The following PDE1A variants were observed in gnomAD, a reference collection of about 807,000 sequenced individuals.
PDE1A encodes the protein phosphodiesterase 1A.
Under a neutral mutation model 61.7 loss-of-function variants are expected in PDE1A, and 35 were observed. That is an observed-to-expected ratio of 0.57 (90% CI 0.43 to 0.75). The LOEUF is 0.75. Ranked by LOEUF, PDE1A falls within the 30% of genes least tolerant of loss-of-function variation. PDE1A has a pLI of 0.00. For synonymous variants in PDE1A, 232 were observed against 213.2 expected (o/e 1.09, Z -0.77); for missense variants, 597 against 630.6 (o/e 0.95, Z 0.57).
intron 1 of PDE1A, among the ~76,000 whole-genome samples, chr2:182,320,797 A>G (rs1391157907): frequency 6.6e-6 from 1 of 152,218 alleles, no homozygotes; most frequent in Non-Finnish European, 1.5e-5. Context: ...TTGATGGTTT[A>G]TAATAGCAAA....
the PDE1A span, among the ~76,000 whole-genome samples, chr2:182,633,157 A>T: frequency 4.6e-5 from 7 of 152,234 alleles, no homozygotes; most frequent in Non-Finnish European, 5.9e-5. Flanking sequence ...TGTCAGTGTC[A>T]CAGCAGGTCA....
intron 4 of PDE1A, among the ~76,000 whole-genome samples, chr2:182,233,803 AC>A (rs1689776917): frequency 6.6e-6 from 1 of 151,864 alleles, no homozygotes. Context: ...ACACACACAC[AC>A]ACACACACAC....
chr2:182,289,953 C>T (rs1694416143), intron 1 of PDE1A, among the ~76,000 whole-genome samples: 1 of 152,018 alleles, frequency 6.6e-6, no homozygotes, highest in Admixed American at 6.6e-5. Flanking sequence ...ACATAAACCC[C>T]ACAGTAGGTT....
intron 1 of PDE1A, among the ~76,000 whole-genome samples, chr2:182,423,227 A>AT (rs1224047504): frequency 6.6e-6 from 1 of 152,226 alleles, no homozygotes; most frequent in Non-Finnish European, 1.5e-5. Context: ...TTCCAAGGAA[A>AT]TTTTTTAAAA....
chr2:182,396,763 A>G (rs1701727509), intron 1 of PDE1A, among the ~76,000 whole-genome samples: 2 of 152,106 alleles, frequency 1.3e-5, no homozygotes, highest in South Asian at 4.1e-4. Context: ...CATAATTATG[A>G]CCTTATTATT....
intron 7 of PDE1A, among the ~76,000 whole-genome samples, 183 bp downstream of exon 7, chr2:182,223,681 A>C (rs1166898047): frequency 6.6e-6 from 1 of 152,016 alleles, no homozygotes; most frequent in Non-Finnish European, 1.5e-5. Context: ...TACTATACAC[A>C]AGATTCTTAA....
At chr2:182,153,015 A>G (rs547659728) in intron 13 of PDE1A, among the ~76,000 whole-genome samples, 8 of 152,314 alleles carry the variant, frequency 5.3e-5, no homozygotes, top group Non-Finnish European at 1.0e-4. Flanking sequence ...TGAGGAAAAT[A>G]CAACAATTTA....
chr2:182,593,804 C>A, the PDE1A span, among the ~76,000 whole-genome samples: 6 of 152,208 alleles, frequency 3.9e-5, no homozygotes, highest in East Asian at 1.2e-3. Context: ...GTATGAACAC[C>A]CAATAAAGGT....
the PDE1A span, among the ~76,000 whole-genome samples, chr2:182,557,408 T>C: frequency 6.6e-6 from 1 of 152,072 alleles, no homozygotes; most frequent in Non-Finnish European, 1.5e-5. Flanking sequence ...TTATAGATTC[T>C]GGCCCATTTA....
chr2:182,176,201 GT>G (rs1365122660), intron 13 of PDE1A, among the ~76,000 whole-genome samples: 4 of 148,294 alleles, frequency 2.7e-5, no homozygotes, highest in Non-Finnish European at 1.5e-5. Flanking sequence ...CTTTAAAGTA[GT>G]TTTTTCCAAT....
chr2:182,338,121 G>C (rs752166140), intron 1 of PDE1A, among the ~76,000 whole-genome samples: 18 of 152,176 alleles, frequency 1.2e-4, no homozygotes, highest in Non-Finnish European at 1.8e-4. Context: ...AAAGATGCAT[G>C]ACACTTTGGA....
At chr2:182,418,381 CTT>C (rs1414793381) in intron 1 of PDE1A, among the ~76,000 whole-genome samples, 2 of 152,148 alleles carry the variant, frequency 1.3e-5, no homozygotes, top group Non-Finnish European at 2.9e-5. Context: ...TTTAAAACTT[CTT>C]AAACCAGGAA....
chr2:182,178,566 T>C (rs1391335505), intron 13 of PDE1A, among the ~76,000 whole-genome samples: 1 of 152,102 alleles, frequency 6.6e-6, no homozygotes, highest in Non-Finnish European at 1.5e-5. Context: ...GAAAGAATTC[T>C]GAGAAAAAGT....
chr2:182,610,270 A>G, the PDE1A span, among the ~76,000 whole-genome samples: 5 of 152,088 alleles, frequency 3.3e-5, no homozygotes, highest in African/African-American at 9.7e-5. Flanking sequence ...AATTTCCCCT[A>G]TATCTTTGGG....
intron 1 of PDE1A, among the ~76,000 whole-genome samples, chr2:182,352,417 C>T (rs781634453): frequency 6.6e-6 from 1 of 152,188 alleles, no homozygotes; most frequent in Non-Finnish European, 1.5e-5. Context: ...CTTCTGCCAG[C>T]ATCCATGATG....
At position 182,240,620 on chromosome 2, in the gene PDE1A, AG is replaced by A. The variant is rs200045678; in HGVS notation, c.168-329del. ...ATAATGAATAAAACTAAGGAAAGAT[AG>A]GGAAGTGAATTCATAAACAGATGTC... On this transcript the variant is annotated intron_variant, in intron 2 of 13. Transcript: ENST00000351439. 8.3e-3 allele frequency among the ~76,000 whole-genome samples: 1,268 copies of A among 152,354 alleles called. 14 individuals carry two copies. Among genetic ancestry groups the A allele is most frequent in the South Asian group, 0.05 (243 of 4,828 alleles).
chr2:182,708,945 G>A, the PDE1A span, among the ~76,000 whole-genome samples: 2 of 152,134 alleles, frequency 1.3e-5, no homozygotes, highest in Admixed American at 1.3e-4. Context: ...GCAGATGTAA[G>A]TTTTGGTTAT....
intron 1 of PDE1A, among the ~76,000 whole-genome samples, chr2:182,424,149 T>C (rs537393403): frequency 6.6e-6 from 1 of 152,196 alleles, no homozygotes; most frequent in South Asian, 2.1e-4. Context: ...TTCACCATGT[T>C]GCCCAGGGTA....
At chr2:182,590,650 A>G in the PDE1A span, among the ~76,000 whole-genome samples, 56,150 of 152,036 alleles carry the variant, frequency 0.37, 11,942 homozygotes, top group East Asian at 0.62. Context: ...TTTTCATAAA[A>G]TAAAAGCAAT....
Sources: allele counts gnomAD v4.1 joint callset (sites outside exome capture counted in the v4.1 genomes callset), GRCh38; gene constraint gnomAD v4.1.1; transcripts MANE v1.5; gene names NCBI Gene and HGNC (gene_info 2026-07-23, HGNC 2026-07-21).